SLC15A5: variants seen among roughly 807,000 people sequenced by gnomAD.
SLC15A5 encodes Peptide/histidine transporter ENSP00000340402.
SLC15A5 carries 58 observed loss-of-function variants against 56.1 expected under a neutral mutation model. That is an observed-to-expected ratio of 1.03 (90% CI 0.84 to 1.29). SLC15A5 has a LOEUF of 1.29. SLC15A5 is among the 50% of genes most tolerant of loss of function. The pLI, the probability that SLC15A5 is intolerant of heterozygous loss-of-function variation, is 0.00. For synonymous variants in SLC15A5, 264 were observed against 250.5 expected (o/e 1.05, Z -0.51); for missense variants, 681 against 672.1 (o/e 1.01, Z -0.15).
intron 7 of SLC15A5, among the ~76,000 whole-genome samples, chr12:16,210,771 GC>G (rs1864072517): frequency 6.6e-6 from 1 of 152,176 alleles, no homozygotes; most frequent in Non-Finnish European, 1.5e-5. Flanking sequence ...CCTCTCGTGA[GC>G]CAATAGCAAT....
chr12:16,237,981 T>G lies in SLC15A5; in HGVS notation c.1162+1700A>C, dbSNP rs977426421. Among the ~76,000 whole-genome samples the G allele has an allele frequency of 2.0e-5, 3 of 152,194 alleles. No homozygotes were observed. The highest frequency in any genetic ancestry group is 7.2e-5 in the African/African-American group (3 of 41,464). On this transcript the variant is annotated intron_variant, in intron 5 of 8. Coordinates refer to ENST00000344941, the MANE Select transcript of SLC15A5 (RefSeq NM_001170798.1). This position sits in a 1 kb window ranked among gnomAD's most constrained non-coding sequence, Gnocchi z 4.1. ...TGTGCTGGCTTTTGGATTTCTACAT[T>G]GGCAGACAGAAAAGCACTTTTTAAG...
chr12:16,239,537 G>A (rs1290678988), intron 5 of SLC15A5, 144 bp downstream of exon 5: 31 of 755,286 alleles, frequency 4.1e-5, no homozygotes. Flanking sequence ...CGGAAGATGG[G>A]TGTTATCAGT....
chr12:16,274,803 T>G (rs1017687475), intron 1 of SLC15A5, among the ~76,000 whole-genome samples: 12 of 152,126 alleles, frequency 7.9e-5, no homozygotes, highest in African/African-American at 2.9e-4. Flanking sequence ...AATGATATAT[T>G]TGTGTAACTT....
rs1591650789 is a variant in SLC15A5, at chr12:16,235,454, T to A, written c.1162+4227A>T. Among the ~76,000 whole-genome samples, 2 of 151,980 alleles carry A rather than the reference T, an allele frequency of 1.3e-5. No individual in the cohort carries two copies. Among genetic ancestry groups the A allele is most frequent in the African/African-American group, 4.8e-5 (2 of 41,412 alleles). ...GAACAGGTAGTCATTTACATAGAGA[T>A]AAAATATGCAAATGTATCTCTATAA... On this transcript the variant is annotated intron_variant, in intron 5 of 8. Coordinates refer to ENST00000344941, the MANE Select transcript of SLC15A5 (RefSeq NM_001170798.1). This position sits in a 1 kb window ranked among gnomAD's most constrained non-coding sequence, Gnocchi z 4.1.
intron 3 of SLC15A5, among the ~76,000 whole-genome samples, chr12:16,248,682 G>T (rs1285217872): frequency 1.3e-5 from 2 of 152,046 alleles, no homozygotes; most frequent in African/African-American, 4.8e-5. Flanking sequence ...CACTTCCTTG[G>T]ATTAATCCAT....
At chr12:16,229,120 T>G (rs1591648896) in intron 5 of SLC15A5, among the ~76,000 whole-genome samples, 1 of 152,216 alleles carries the variant, frequency 6.6e-6, no homozygotes, top group Admixed American at 6.5e-5. Context: ...TCTAACCTAT[T>G]AAGCACCCAG....
chr12:16,225,725 G>T (rs1361570431), intron 5 of SLC15A5, among the ~76,000 whole-genome samples: 3 of 152,180 alleles, frequency 2.0e-5, no homozygotes, highest in Non-Finnish European at 2.9e-5. Context: ...GGCCATCAGA[G>T]AAATGCAAAT....
chr12:16,197,472 G>A (rs1527008), intron 7 of SLC15A5, among the ~76,000 whole-genome samples: 73,254 of 151,980 alleles, frequency 0.48, 18,143 homozygotes, highest in South Asian at 0.72. Context: ...TTTTAAAGTT[G>A]AATCTTGCCT....
chr12:16,192,583 G>T (rs1272026667), intron 8 of SLC15A5, among the ~76,000 whole-genome samples: 1 of 152,032 alleles, frequency 6.6e-6, no homozygotes. Flanking sequence ...TAGACTACAA[G>T]TTTGCCTGTT....
chr12:16,252,643 AAAATTGAAGAATATACAAAT>A, intron 3 of SLC15A5, among the ~76,000 whole-genome samples: 1 of 152,178 alleles, frequency 6.6e-6, no homozygotes, highest in African/African-American at 2.4e-5. Context: ...TTTACTAAAA[AAAATTGAAGAATATACAAAT>A]AAATGGAAAG....
At chr12:16,255,490 G>T (rs1373975165) in intron 3 of SLC15A5, among the ~76,000 whole-genome samples, 1 of 151,912 alleles carries the variant, frequency 6.6e-6, no homozygotes, top group Non-Finnish European at 1.5e-5. Context: ...GTACATTTTT[G>T]GTAGAAATAC....
chr12:16,191,847 A>G (rs1863840913), intron 8 of SLC15A5, among the ~76,000 whole-genome samples: 4 of 152,096 alleles, frequency 2.6e-5, no homozygotes, highest in African/African-American at 4.8e-5. Context: ...ATTTTCCAGA[A>G]TCTCCTTACT....
intron 7 of SLC15A5, among the ~76,000 whole-genome samples, chr12:16,211,458 G>T (rs1360839310): frequency 1.3e-5 from 2 of 151,642 alleles, no homozygotes; most frequent in Non-Finnish European, 2.9e-5. Context: ...GTAGGGACAA[G>T]AAGATATACC....
chr12:16,257,422 T>C (rs1010219676), intron 3 of SLC15A5, among the ~76,000 whole-genome samples: 1 of 152,110 alleles, frequency 6.6e-6, no homozygotes, highest in Non-Finnish European at 1.5e-5. Flanking sequence ...TTATTAAAAT[T>C]TTTTCAACCA....
rs1462290267 is a variant in SLC15A5 at position 16,277,630 on chromosome 12, A to G, written c.56T>C (p.Ile19Thr). Residue 19 changes from isoleucine (I) to threonine (T), a missense_variant, in exon 1 of 9, where the codon ATT becomes ACT. Transcript: ENST00000344941. ...TDEKVHLYHS[I>T]EKEKTVRHIG... ...ATGTCTTACAGTTTTCTCCTTCTCA[A>G]TGCTGTGATATAAGTGTACTTTCTC... The G allele has an allele frequency of 7.2e-6, 11 of 1,536,074 alleles. No individual in the cohort carries two copies. In the African/African-American group the frequency reaches 8.2e-5, roughly 11 times the overall value.
At position 16,276,046 on chromosome 12, in the gene SLC15A5, A is replaced by C. The variant is rs116075056; in HGVS notation, c.361+1279T>G. 7.6e-3 allele frequency among the ~76,000 whole-genome samples: 1,163 copies of C among 152,038 alleles called. 15 individuals carry two copies. Among genetic ancestry groups the C allele is most frequent in the African/African-American group, 0.026 (1,082 of 41,504 alleles). On this transcript the variant is annotated intron_variant, in intron 1 of 8. Transcript: ENST00000344941. ...TTATTTTCTCTCTCCCTGCACCAAA[A>C]AGTCAACTTTAGCAGGAACAGACGA...
intron 4 of SLC15A5, among the ~76,000 whole-genome samples, chr12:16,244,192 C>T (rs1565668632): frequency 6.6e-6 from 1 of 152,078 alleles, no homozygotes; most frequent in Non-Finnish European, 1.5e-5. Context: ...TTTAGCTACT[C>T]GTTAGTACCA....
chr12:16,227,986 C>T (rs1864259760), intron 5 of SLC15A5, among the ~76,000 whole-genome samples: 1 of 152,060 alleles, frequency 6.6e-6, no homozygotes, highest in South Asian at 2.1e-4. Flanking sequence ...AAAACCATAG[C>T]AACTGATGCA....
Position 16,216,928 on chromosome 12 carries a change from G to A in SLC15A5, c.1448C>T (p.Ala483Val), listed in dbSNP as rs1864134777. 2.0e-6 allele frequency: 3 copies of A among 1,536,734 alleles called. No homozygotes were observed. Among genetic ancestry groups the A allele is most frequent in the Non-Finnish European group, 2.6e-6 (3 of 1,146,608 alleles). ...GAGATATACCAACTTCACCAGCAGT[G>A]CCCCTGTGAAACAGCCAAATCCATT... ...LFNGFGCFTG[A>V]LLVKLVYLIS... Residue 483 changes from alanine to valine, a missense_variant, in exon 7 of 9, where the codon GCA (alanine) becomes GTA (valine). By Grantham distance (64) the Ala-to-Val change is moderately conservative. Coordinates refer to ENST00000344941, the MANE Select transcript of SLC15A5 (RefSeq NM_001170798.1).
Sources: allele counts gnomAD v4.1 joint callset (sites outside exome capture counted in the v4.1 genomes callset), GRCh38; gene constraint gnomAD v4.1.1; non-coding constraint Gnocchi (gnomAD v3.1); transcripts MANE v1.5; gene names NCBI Gene and HGNC (gene_info 2026-07-23, HGNC 2026-07-21).